PGS1: variants seen among roughly 807,000 people sequenced by gnomAD.
PGS1 encodes the protein CDP-diacylglycerol--glycerol-3-phosphate 3-phosphatidyltransferase, mitochondrial.
In PGS1, 44 loss-of-function variants were observed where a neutral mutation model predicts 58.3. The observed-to-expected ratio is 0.75, with a 90% CI of 0.59 to 0.97. The LOEUF (loss-of-function observed/expected upper bound fraction) is 0.97. PGS1 is among the 50% of genes least tolerant of loss of function. PGS1 has a pLI of 0.00. For synonymous variants in PGS1, 330 were observed against 311.0 expected, an observed-to-expected ratio of 1.06 and a Z score of -0.64; for missense variants, 684 against 731.1, an observed-to-expected ratio of 0.94 and a Z score of 0.74.
At chr17:78,378,915 C>T (rs1425713847) in intron 1 of PGS1, 107 bp downstream of exon 1, 2 of 1,215,558 alleles carry the variant, frequency 1.6e-6, no homozygotes, top group East Asian at 3.2e-5. Flanking sequence ...GCGAGTCCCT[C>T]CCCGGTTTCC....
chr17:78,389,127 A>G (rs151048101), intron 1 of PGS1, among the ~76,000 whole-genome samples: 2,718 of 120,694 alleles, frequency 0.023, 76 homozygotes, highest in African/African-American at 0.082. Context: ...CAATGGTGTG[A>G]TCTCGGCTCA....
At chr17:78,385,736 G>C (rs2082339976) in intron 1 of PGS1, among the ~76,000 whole-genome samples, 1 of 152,190 alleles carries the variant, frequency 6.6e-6, no homozygotes, top group African/African-American at 2.4e-5. Flanking sequence ...GGTTTCTTTT[G>C]TAAACAGGTG....
intron 1 of PGS1, among the ~76,000 whole-genome samples, chr17:78,391,457 C>G (rs911777143): frequency 2.0e-5 from 3 of 152,236 alleles, no homozygotes; most frequent in Admixed American, 6.5e-5. Flanking sequence ...GTAGCTGGGA[C>G]TACAGGTTTG....
rs1450223686 is a variant in PGS1, at chr17:78,403,647, G to C, written c.960G>C (p.Met320Ile). The change falls in exon 7 of 10, where the codon ATG becomes ATC. Residue 320 changes from methionine (M) to isoleucine (I), a missense_variant. By Grantham distance (10) the Met-to-Ile change is conservative (BLOSUM62 1). Transcript: ENST00000262764. ...ACTCAGCCAGGACCCGCCAGCAGATGCTGCATGCCCAGACCTTCCACAGCA... is the reference window on the plus strand; with the variant it reads ...ACTCAGCCAGGACCCGCCAGCAGATCCTGCATGCCCAGACCTTCCACAGCA... Reference protein sequence around the residue: ...VINSARTRQQMLHAQTFHSNS... With the variant: ...VINSARTRQQILHAQTFHSNS... 1.2e-6 allele frequency: 2 copies of C among 1,614,196 alleles called. No homozygotes were observed. The highest frequency in any genetic ancestry group is 1.7e-6 in the Non-Finnish European group (2 of 1,180,048).
chr17:78,410,497 G>T (rs1361881009), intron 7 of PGS1, among the ~76,000 whole-genome samples: 1 of 104,156 alleles, frequency 9.6e-6, no homozygotes, highest in African/African-American at 3.8e-5. Context: ...TTTTTGGGAC[G>T]GAGTCTTGCT....
chr17:78,423,052 T>TGCGTCATTGCACTCCAGCCTG (rs1361349227), intron 9 of PGS1, among the ~76,000 whole-genome samples: 1 of 151,148 alleles, frequency 6.6e-6, no homozygotes, highest in African/African-American at 2.4e-5. Flanking sequence ...GAGCCGAGAT[T>TGCGTCATTGCACTCCAGCCTG]GCGTCATTGC....
rs371312410 is a variant in PGS1 at position 78,424,094 on chromosome 17, G to C, written c.*44G>C. On this transcript the variant is annotated 3_prime_UTR_variant, in exon 10 of 10. Transcript: ENST00000262764. ...TTGATGAAGATGACAGGCATGGCCG[G>C]GGTCAGCTCTTTCAGCCGCGCTTCA... is the stretch of plus-strand genomic sequence containing the variant. 6.2e-7 allele frequency: 1 copy of C among 1,613,826 alleles called. No individual in the cohort carries two copies. The highest frequency in any genetic ancestry group is 8.5e-7 in the Non-Finnish European group (1 of 1,179,884).
intron 7 of PGS1, among the ~76,000 whole-genome samples, chr17:78,409,512 G>A (rs536139868): frequency 1.5e-4 from 23 of 152,350 alleles, no homozygotes; most frequent in African/African-American, 5.5e-4. Flanking sequence ...TAGGCCACAC[G>A]TGAGGCGGCT....
intron 1 of PGS1, among the ~76,000 whole-genome samples, chr17:78,385,367 C>T (rs1598234928): frequency 6.6e-6 from 1 of 151,954 alleles, no homozygotes; most frequent in African/African-American, 2.4e-5. Context: ...TGCCTCACTA[C>T]AAGCTCTGCC....
At chr17:78,398,560 C>T (rs376310763) in intron 4 of PGS1, among the ~76,000 whole-genome samples, 14 of 152,342 alleles carry the variant, frequency 9.2e-5, no homozygotes, top group South Asian at 2.1e-4. Flanking sequence ...AGGCAGGAGC[C>T]GAGTGCAGTG....
At chr17:78,393,982 G>A (rs1031099144) in intron 2 of PGS1, among the ~76,000 whole-genome samples, 15 of 151,820 alleles carry the variant, frequency 9.9e-5, no homozygotes, top group African/African-American at 3.1e-4. Context: ...TCAGGAGTTC[G>A]AGAACAGCCT....
chr17:78,388,992 GAACAAGTT>G lies in PGS1; in HGVS notation c.144-3483_144-3476del, dbSNP rs1366934701. Among the ~76,000 whole-genome samples, 209 of 102,144 alleles carry G rather than the reference GAACAAGTT, an allele frequency of 2.0e-3. 2 individuals carry two copies. Among genetic ancestry groups the G allele is most frequent in the African/African-American group, 0.011 (193 of 17,388 alleles). 67.0% of individuals were successfully genotyped at this position (102,144 alleles called of 152,430 possible). On this transcript the variant is annotated intron_variant, in intron 1 of 9. Transcript: ENST00000262764. The stretch of plus-strand genomic sequence containing the variant: ...TGATGGCTTTGTTGAGGGTTAAGTT[GAACAAGTT>G]GAACTTGCCCTCTCCTGGGTTGCTA...
At chr17:78,423,984 G>T (rs945086397) in intron 9 of PGS1, 77 bp from the exon 10 acceptor site, 2 of 1,614,046 alleles carry the variant, frequency 1.2e-6, no homozygotes, top group Non-Finnish European at 1.7e-6. Flanking sequence ...TAAAGGTCCA[G>T]ACATAGGTGG....
At position 78,424,074 on chromosome 17, in the gene PGS1, G is replaced by A. The variant is rs2086268043; in HGVS notation, c.*24G>A. The A allele has an allele frequency of 2.5e-6, 4 of 1,614,040 alleles. No individual in the cohort carries two copies. The highest frequency in any genetic ancestry group is 2.5e-6 in the Non-Finnish European group (3 of 1,179,886). ...TGCGGTCCACAGGAATGGCCTTGAT[G>A]AAGATGACAGGCATGGCCGGGGTCA... On this transcript the variant is annotated 3_prime_UTR_variant, in exon 10 of 10. Transcript: ENST00000262764.
chr17:78,382,543 A>G (rs1487829765), intron 1 of PGS1: 6 of 151,440 alleles, frequency 4.0e-5, no homozygotes, highest in African/African-American at 1.5e-4. Context: ...TGATGTGTTC[A>G]GTGTCCAGTT....
At chr17:78,407,931 G>C (rs1048812108) in intron 7 of PGS1, among the ~76,000 whole-genome samples, 1 of 152,202 alleles carries the variant, frequency 6.6e-6, no homozygotes, top group Non-Finnish European at 1.5e-5. Flanking sequence ...AAATTCAGAG[G>C]GCTGGCCTTT....
chr17:78,419,435 G>C (rs1445132766), intron 8 of PGS1, 111 bp from the exon 9 acceptor site: 1 of 904,372 alleles, frequency 1.1e-6, no homozygotes. Context: ...GGTAGACATG[G>C]GAAGTCAGGG....
chr17:78,424,029 A>G (rs779721438), intron 9 of PGS1, 32 bp from the exon 10 acceptor site: 9 of 1,614,028 alleles, frequency 5.6e-6, no homozygotes, highest in Non-Finnish European at 6.8e-6. Context: ...CGGGACACTC[A>G]TAGATGTTCT....
At chr17:78,405,579 C>T (rs1335889750) in intron 7 of PGS1, among the ~76,000 whole-genome samples, 1 of 152,198 alleles carries the variant, frequency 6.6e-6, no homozygotes, top group Non-Finnish European at 1.5e-5. Flanking sequence ...CTCTCTAAGA[C>T]ATGGGTATAA....
Sources: gnomAD v4.1 joint callset for allele counts (sites outside exome capture counted in the v4.1 genomes callset) on GRCh38, gnomAD v4.1.1 for gene constraint, MANE v1.5 for transcripts, NCBI Gene and HGNC (gene_info 2026-07-23, HGNC 2026-07-21) for gene names.